Variants in CNTN5 observed in about 807,000 individuals in gnomAD.
The protein encoded by CNTN5 is contactin-5.
Under a neutral mutation model 129.1 loss-of-function variants are expected in CNTN5, and 77 were observed. The observed-to-expected ratio is 0.60, with a 90% CI of 0.50 to 0.72. The LOEUF (loss-of-function observed/expected upper bound fraction) is 0.72, where lower values mean the gene tolerates loss of function less well. CNTN5 is among the 30% of genes least tolerant of loss of function. The pLI is 0.00. For missense variants in CNTN5, 1,478 were observed against 1,328.8 expected, an observed-to-expected ratio of 1.11 and a Z score of -1.75; for synonymous variants, 509 against 465.6, an observed-to-expected ratio of 1.09 and a Z score of -1.20.
chr11:99,978,516 G>A (rs1938136573), intron 8 of CNTN5, among the ~76,000 whole-genome samples: 1 of 152,116 alleles, frequency 6.6e-6, no homozygotes, highest in South Asian at 2.1e-4. Flanking sequence ...GTGTACCATT[G>A]TTATTTATAT....
chr11:100,203,240 T>C (rs1251391491), intron 15 of CNTN5, among the ~76,000 whole-genome samples: 3 of 152,054 alleles, frequency 2.0e-5, no homozygotes, highest in Non-Finnish European at 2.9e-5. Context: ...TTCCCATTAA[T>C]TAAAGCTCAT....
At chr11:100,249,321 A>G (rs988368654) in intron 16 of CNTN5, among the ~76,000 whole-genome samples, 16 of 152,206 alleles carry the variant, frequency 1.1e-4, no homozygotes, top group Admixed American at 1.0e-3. Context: ...ATCTGGTATC[A>G]GTCTGCAATG....
intron 1 of CNTN5, among the ~76,000 whole-genome samples, chr11:99,229,161 A>C (rs1002765750): frequency 2.6e-5 from 4 of 152,044 alleles, no homozygotes; most frequent in African/African-American, 4.8e-5. Flanking sequence ...ATGACATTTT[A>C]ATGTGTTATA....
chr11:99,533,625 C>T (rs947979916), intron 2 of CNTN5, among the ~76,000 whole-genome samples: 3 of 152,220 alleles, frequency 2.0e-5, no homozygotes, highest in Admixed American at 6.5e-5. Flanking sequence ...TACACTTACA[C>T]TCAGGGCAGA....
At chr11:99,966,032 A>T (rs559294280) in intron 8 of CNTN5, among the ~76,000 whole-genome samples, 2 of 152,300 alleles carry the variant, frequency 1.3e-5, no homozygotes, top group African/African-American at 4.8e-5. Flanking sequence ...AGAGATAGGC[A>T]TTACAATGAA....
chr11:99,631,288 A>C (rs1204278975), intron 3 of CNTN5, among the ~76,000 whole-genome samples: 1 of 152,146 alleles, frequency 6.6e-6, no homozygotes, highest in East Asian at 1.9e-4. Flanking sequence ...TCTTACCTTA[A>C]ATAACTTTGA....
intron 3 of CNTN5, among the ~76,000 whole-genome samples, chr11:99,639,383 G>T (rs543482123): frequency 4.3e-4 from 66 of 152,280 alleles, no homozygotes; most frequent in African/African-American, 1.5e-3. Flanking sequence ...CCATAGTCTT[G>T]AGGATGAACA....
chr11:99,492,352 A>G (rs1946068530), intron 2 of CNTN5, among the ~76,000 whole-genome samples: 1 of 152,096 alleles, frequency 6.6e-6, no homozygotes, highest in South Asian at 2.1e-4. Context: ...CAATCTTCCA[A>G]TCTTGCTTCC....
intron 3 of CNTN5, among the ~76,000 whole-genome samples, chr11:99,610,504 T>G (rs1325094535): frequency 6.6e-6 from 1 of 152,140 alleles, no homozygotes; most frequent in Non-Finnish European, 1.5e-5. Flanking sequence ...TTAATCAGAT[T>G]CAAAGAGGTA....
intron 2 of CNTN5, among the ~76,000 whole-genome samples, chr11:99,382,846 T>A (rs12787491): frequency 6.4e-5 from 3 of 46,762 alleles, no homozygotes; most frequent in Non-Finnish European, 8.4e-5. Flanking sequence ...TCTAAATAAC[T>A]TTTTTTTTTT....
chr11:99,751,245 G>A (rs150814732), intron 3 of CNTN5, among the ~76,000 whole-genome samples: 4 of 152,294 alleles, frequency 2.6e-5, no homozygotes, highest in African/African-American at 7.2e-5. Context: ...GCTAAGGCAA[G>A]AGAATTGCTT....
chr11:99,301,224 G>T (rs554661928), intron 1 of CNTN5, among the ~76,000 whole-genome samples: 1 of 151,280 alleles, frequency 6.6e-6, no homozygotes, highest in Non-Finnish European at 1.5e-5. Context: ...TAGCAAAATG[G>T]CAGATTCAAA....
intron 7 of CNTN5, among the ~76,000 whole-genome samples, chr11:99,944,742 A>T (rs1460110600): frequency 6.6e-6 from 1 of 152,132 alleles, no homozygotes; most frequent in East Asian, 1.9e-4. Flanking sequence ...GAGCCAAATC[A>T]TGAGTGAACT....
chr11:100,304,939 C>T (rs1008595550), intron 20 of CNTN5, among the ~76,000 whole-genome samples: 24 of 151,290 alleles, frequency 1.6e-4, no homozygotes, highest in African/African-American at 5.6e-4. Flanking sequence ...ATTAGTATTT[C>T]GAGTTATCCC....
intron 8 of CNTN5, among the ~76,000 whole-genome samples, chr11:99,969,937 A>G (rs1226193458): frequency 6.6e-6 from 1 of 152,150 alleles, no homozygotes; most frequent in Admixed American, 6.5e-5. Flanking sequence ...TTTAGTGAAT[A>G]CTTCTATCTC....
chr11:100,134,998 G>T (rs964086761), intron 13 of CNTN5, among the ~76,000 whole-genome samples: 27 of 151,770 alleles, frequency 1.8e-4, no homozygotes, highest in African/African-American at 6.3e-4. Flanking sequence ...AGTATATATT[G>T]GTTTGATTAA....
intron 3 of CNTN5, among the ~76,000 whole-genome samples, chr11:99,640,173 G>C (rs73546435): frequency 2.0e-5 from 3 of 152,076 alleles, no homozygotes; most frequent in Admixed American, 6.6e-5. Context: ...CCTCCAAACT[G>C]TTCCCAGTTC....
At chr11:99,957,246 A>G (rs1950827857) in intron 8 of CNTN5, among the ~76,000 whole-genome samples, 1 of 152,234 alleles carries the variant, frequency 6.6e-6, no homozygotes, top group Admixed American at 6.5e-5. Flanking sequence ...CTCTAATGCC[A>G]GAAAGGGAGA....
chr11:99,761,361 A>G (rs1298218851), intron 3 of CNTN5, among the ~76,000 whole-genome samples: 1 of 152,054 alleles, frequency 6.6e-6, no homozygotes, highest in Non-Finnish European at 1.5e-5. Flanking sequence ...GGTGCGCTGC[A>G]CCCACTAACT....
Sources: allele counts gnomAD v4.1 joint callset (sites outside exome capture counted in the v4.1 genomes callset), GRCh38; gene constraint gnomAD v4.1.1; transcripts MANE v1.5; gene names NCBI Gene and HGNC (gene_info 2026-07-23, HGNC 2026-07-21).